The following CNKSR2 variants were observed in gnomAD, a reference collection of about 807,000 sequenced individuals.
CNKSR2 encodes the protein CNK homolog protein 2.
CNKSR2 carries 14 observed loss-of-function variants against 84.4 expected under a neutral mutation model. That is an observed-to-expected ratio of 0.17 (90% CI 0.11 to 0.26). The LOEUF (loss-of-function observed/expected upper bound fraction) is 0.26, where lower values mean the gene tolerates loss of function less well. CNKSR2 is among the 10% of genes least tolerant of loss of function. The probability of loss-of-function intolerance (pLI) is 1.00; values close to 1 mark genes in which losing one functional copy is unlikely to be tolerated. For missense variants in CNKSR2, 485 were observed against 771.2 expected, an observed-to-expected ratio of 0.63 and a Z score of 4.40; for synonymous variants, 275 against 277.9, an observed-to-expected ratio of 0.99 and a Z score of 0.10.
At chrX:21,490,286 G>A (rs184902468) in intron 5 of CNKSR2, among the ~76,000 whole-genome samples, 173 bp from the exon 6 acceptor site, 1 of 112,016 alleles carries the variant, frequency 8.9e-6, no homozygotes, top group African/African-American at 3.2e-5. Context: ...TGTGTTGTGT[G>A]TAAATGTGTT....
At chrX:21,395,937 C>A (rs1008469150) in intron 1 of CNKSR2, among the ~76,000 whole-genome samples, 1 of 111,640 alleles carries the variant, frequency 9.0e-6, no homozygotes, top group Admixed American at 9.5e-5. Flanking sequence ...GATTTGAATG[C>A]CCACAGATCT....
At chrX:21,619,473 C>G (rs1264121307) in intron 20 of CNKSR2, among the ~76,000 whole-genome samples, 2 of 111,401 alleles carry the variant, frequency 1.8e-5, no homozygotes, top group Non-Finnish European at 3.8e-5. Flanking sequence ...CCCTAATCTT[C>G]CATGATTTTG....
chrX:21,440,841 G>C, intron 4 of CNKSR2, 60 bp downstream of exon 4: 2 of 701,491 alleles, frequency 2.9e-6, no homozygotes, highest in South Asian at 5.7e-5. Context: ...TCCAACAATG[G>C]GAAGTATCCT....
At chrX:21,432,134 A>G (rs549822362) in intron 2 of CNKSR2, among the ~76,000 whole-genome samples, 2 of 110,774 alleles carry the variant, frequency 1.8e-5, no homozygotes, top group Admixed American at 1.9e-4. Flanking sequence ...TACCTGATTT[A>G]TTTCTTGCTT....
Position 21,433,653 on chromosome X carries a change from TACACACACACAC to T in CNKSR2, c.431+870_431+881del, listed in dbSNP as rs56377458. On this transcript the variant is annotated intron_variant, in intron 3 of 21. Coordinates refer to ENST00000379510, the MANE Select transcript of CNKSR2 (RefSeq NM_014927.5). ...TCAGTAGGATATTCATATGTGTTCC[TACACACACACAC>T]ACACACACACACACACACACACACA... is the stretch of plus-strand genomic sequence containing the variant. Among the ~76,000 whole-genome samples, 31 of 87,554 alleles carry T rather than the reference TACACACACACAC, an allele frequency of 3.5e-4. No individual in the cohort carries two copies. The South Asian group carries it at 9.8e-3, about 28-fold the overall frequency. 76.0% of individuals were successfully genotyped at this position (87,554 alleles called of 115,157 possible).
chrX:21,462,000 G>C (rs1390218021), intron 4 of CNKSR2, among the ~76,000 whole-genome samples: 1 of 111,838 alleles, frequency 8.9e-6, no homozygotes, highest in African/African-American at 3.2e-5. Context: ...TTTTTGCTTA[G>C]GATAGCTTTG....
chrX:21,600,810 T>C (rs926787557), intron 17 of CNKSR2, among the ~76,000 whole-genome samples: 1 of 112,579 alleles, frequency 8.9e-6, no homozygotes, highest in Non-Finnish European at 1.9e-5. Context: ...TCCTGTTAGA[T>C]TGTTAAATAA....
chrX:21,409,829 A>G (rs1173617953), intron 1 of CNKSR2, among the ~76,000 whole-genome samples: 1 of 111,659 alleles, frequency 9.0e-6, no homozygotes, highest in African/African-American at 3.2e-5. Flanking sequence ...TTATTCAAAT[A>G]AACATAATTA....
intron 3 of CNKSR2, among the ~76,000 whole-genome samples, chrX:21,434,318 C>T (rs763627281): frequency 9.0e-6 from 1 of 111,279 alleles, no homozygotes; most frequent in Admixed American, 9.6e-5. Flanking sequence ...TTTATAAAAT[C>T]GCACATTTCC....
intron 11 of CNKSR2, among the ~76,000 whole-genome samples, chrX:21,537,610 T>G (rs2091940244): frequency 8.9e-6 from 1 of 111,732 alleles, no homozygotes; most frequent in South Asian, 3.6e-4. Flanking sequence ...TTTGTCATTA[T>G]ATAATGACCT....
intron 17 of CNKSR2, among the ~76,000 whole-genome samples, chrX:21,600,069 G>C (rs998855511): frequency 9.0e-6 from 1 of 111,290 alleles, no homozygotes; most frequent in Non-Finnish European, 1.9e-5. Flanking sequence ...TTACATTGTA[G>C]GTTTTGCTAA....
In CNKSR2 at chrX:21,432,745, C is replaced by G. The variant is rs955403794; in HGVS notation, c.362C>G (p.Pro121Arg). Residue 121 changes from proline (P) to arginine (R), a missense_variant, in exon 3 of 22, where the codon CCA becomes CGA. Physicochemically the swap from Pro to Arg is moderately radical, Grantham distance 103. Transcript: ENST00000379510. ...GATGGGAGGACCAGCCGAAAATTGC[C>G]AAACGACTTTCTGACCTCAGTTGTG... ...HYDGRTSRKL[P>R]NDFLTSVVDL... 3.3e-6 allele frequency: 4 copies of G among 1,208,741 alleles called. No individual in the cohort carries two copies. Among genetic ancestry groups the G allele is most frequent in the Non-Finnish European group, 4.5e-6 (4 of 894,859 alleles).
At chrX:21,640,501 C>T (rs771806286) in intron 20 of CNKSR2, among the ~76,000 whole-genome samples, 1 of 111,588 alleles carries the variant, frequency 9.0e-6, no homozygotes, top group East Asian at 2.8e-4. Context: ...ATATTACAGA[C>T]AAAAATTAGT....
intron 1 of CNKSR2, among the ~76,000 whole-genome samples, chrX:21,394,216 AC>A (rs2090090050): frequency 8.9e-6 from 1 of 112,333 alleles, no homozygotes; most frequent in Non-Finnish European, 1.9e-5. Context: ...TTATTACTGT[AC>A]AGGATTTAAA....
intron 1 of CNKSR2, among the ~76,000 whole-genome samples, chrX:21,410,541 C>G (rs1941509035): frequency 9.0e-6 from 1 of 111,158 alleles, no homozygotes; most frequent in Admixed American, 9.6e-5. Context: ...AGTATCACCA[C>G]TTATATTATT....
intron 8 of CNKSR2, among the ~76,000 whole-genome samples, chrX:21,513,719 CAATCA>C (rs1388506785): frequency 9.0e-6 from 1 of 111,409 alleles, no homozygotes; most frequent in Non-Finnish European, 1.9e-5. Flanking sequence ...TCTCTCTTGT[CAATCA>C]TCAAGGTATA....
rs1380913783 is a variant in CNKSR2 at position 21,513,329 on chromosome X, A to C, written c.811-3156A>C. On this transcript the variant is annotated intron_variant, in intron 8 of 21. Transcript: ENST00000379510. ...GAGGAAGAAAAGATGGAGGACAGGT[A>C]GGCAGAGATGTAACGGAACCATGTT... 2.7e-5 allele frequency among the ~76,000 whole-genome samples: 3 copies of C among 111,913 alleles called. No homozygotes were observed. The Admixed American group carries it at 2.8e-4, about 11-fold the overall frequency.
intron 13 of CNKSR2, among the ~76,000 whole-genome samples, chrX:21,575,732 C>T (rs144136880): frequency 1.3e-3 from 149 of 111,332 alleles, no homozygotes; most frequent in African/African-American, 4.1e-3. Flanking sequence ...CAATAGGCAC[C>T]GACAAAATAC....
intron 11 of CNKSR2, among the ~76,000 whole-genome samples, chrX:21,545,069 C>G (rs2147150273): frequency 9.0e-6 from 1 of 111,177 alleles, no homozygotes; most frequent in Non-Finnish European, 1.9e-5. Flanking sequence ...GGGCTGAAGC[C>G]AGGGAGCCAA....
Sources: allele counts gnomAD v4.1 joint callset (sites outside exome capture counted in the v4.1 genomes callset), GRCh38; gene constraint gnomAD v4.1.1; transcripts MANE v1.5; gene names NCBI Gene and HGNC (gene_info 2026-07-23, HGNC 2026-07-21).